The following SLC22A25 variants were observed in gnomAD, a reference collection of about 807,000 sequenced individuals.
SLC22A25 encodes MGI:2442751, MGI:2385316, MGI:3042283, MGI:3645714, MGI:3605624, MGI:2442750.
SLC22A25 carries 44 observed loss-of-function variants against 45.9 expected under a neutral mutation model. That is an observed-to-expected ratio of 0.96 (90% CI 0.75 to 1.23). The LOEUF (loss-of-function observed/expected upper bound fraction) is 1.23, where lower values mean the gene tolerates loss of function less well. Among genes scored for constraint, SLC22A25 ranks in the 50% most tolerant of loss-of-function variants. SLC22A25 has a pLI of 0.00. For missense variants in SLC22A25, 800 were observed against 666.4 expected (o/e 1.20, Z -2.21); for synonymous variants, 283 against 238.6 (o/e 1.19, Z -1.72).
rs2087531470 is a variant in SLC22A25, at chr11:63,161,361, G to T, written c.*2463C>A. ...TGAGTTAAAACTTTGGGGGACTGTT[G>T]GGAAGGCATGATTAGTTTTGAAATG... is the stretch of plus-strand genomic sequence containing the variant. On this transcript the variant is annotated 3_prime_UTR_variant, in exon 12 of 12. Coordinates refer to ENST00000306494, the MANE Select transcript of SLC22A25 (RefSeq NM_199352.6). Among the ~76,000 whole-genome samples the T allele has an allele frequency of 6.6e-6, 1 of 152,126 alleles. No individual in the cohort carries two copies. The highest frequency in any genetic ancestry group is 2.4e-5 in the African/African-American group (1 of 41,426).
At chr11:63,186,741 C>T (rs2088566689) in intron 7 of SLC22A25, among the ~76,000 whole-genome samples, 2 of 152,144 alleles carry the variant, frequency 1.3e-5, no homozygotes, top group Admixed American at 1.3e-4. Context: ...AGGAAGGGAT[C>T]CAGTTTCAGC....
At chr11:63,233,799 T>G (rs2090114713) in intron 3 of SLC22A25, among the ~76,000 whole-genome samples, 2 of 152,238 alleles carry the variant, frequency 1.3e-5, no homozygotes, top group South Asian at 4.1e-4. Context: ...CTCTACACAC[T>G]GCTTTGAATG....
Position 63,163,812 on chromosome 11 carries a change from C to T in SLC22A25, c.*12G>A. 3.7e-6 allele frequency: 6 copies of T among 1,603,574 alleles called. No homozygotes were observed. The South Asian group carries it at 6.7e-5, about 18-fold the overall frequency. On this transcript the variant is annotated 3_prime_UTR_variant, in exon 12 of 12. Transcript: ENST00000306494. Reference sequence around the variant, plus strand: ...TAGCCCTAAATGGTGTTTTGCTTTCCTCAGCACAGACCTATAGCACAGAGC... The same window carrying T: ...TAGCCCTAAATGGTGTTTTGCTTTCTTCAGCACAGACCTATAGCACAGAGC...
rs191436570 is a variant in SLC22A25 at position 63,160,015 on chromosome 11, C to T, written c.*3809G>A. 1.4e-3 allele frequency among the ~76,000 whole-genome samples: 207 copies of T among 152,204 alleles called. 1 individual carries two copies. Among genetic ancestry groups the T allele is most frequent in the South Asian group, 3.7e-3 (18 of 4,814 alleles). The stretch of plus-strand genomic sequence containing the variant: ...AAGCAGCAAAGCATTCAAGATGTGA[C>T]GGGTGCTGTTAAAAGCAGTCAGTTT... On this transcript the variant is annotated 3_prime_UTR_variant, in exon 12 of 12. Transcript: ENST00000306494.
At chr11:63,191,502 G>A (rs984095468) in intron 7 of SLC22A25, among the ~76,000 whole-genome samples, 5 of 152,150 alleles carry the variant, frequency 3.3e-5, no homozygotes, top group Non-Finnish European at 7.3e-5. Flanking sequence ...CCTGGGTGAG[G>A]CAATGCCTCA....
At chr11:63,164,117 TA>T (rs774227125) in intron 11 of SLC22A25, 44 bp from the exon 12 acceptor site, 1 of 1,528,152 alleles carries the variant, frequency 6.5e-7, no homozygotes, top group Non-Finnish European at 8.8e-7. Context: ...TTAAAAATCA[TA>T]CATATAATTT....
chr11:63,173,629 T>C (rs4963252), intron 9 of SLC22A25, among the ~76,000 whole-genome samples: 74,497 of 151,946 alleles, frequency 0.49, 19,191 homozygotes, highest in Non-Finnish European at 0.57. Flanking sequence ...TTTGTGACTT[T>C]CCCAGTGCTT....
At chr11:63,216,566 C>T (rs1041537781) in intron 7 of SLC22A25, among the ~76,000 whole-genome samples, 2 of 152,130 alleles carry the variant, frequency 1.3e-5, no homozygotes, top group Non-Finnish European at 2.9e-5. Context: ...AGATTGTGTC[C>T]TTTGCAGGGA....
chr11:63,198,943 A>G (rs1043167647), intron 7 of SLC22A25, among the ~76,000 whole-genome samples: 1 of 152,122 alleles, frequency 6.6e-6, no homozygotes, highest in Admixed American at 6.6e-5. Flanking sequence ...AAATGCTCAC[A>G]TCAAAAAGTT....
At position 63,163,025 on chromosome 11, in the gene SLC22A25, A is replaced by G. The variant is rs577374797; in HGVS notation, c.*799T>C. Among the ~76,000 whole-genome samples the G allele has an allele frequency of 7.2e-5, 11 of 152,316 alleles. No individual in the cohort carries two copies. In the East Asian group the frequency reaches 1.9e-3, roughly 27 times the overall value. ...AGCTCAAAAATGAAAGACATGGACT[A>G]AACATATAAGTCCTGCATTCTTTAG... On this transcript the variant is annotated 3_prime_UTR_variant, in exon 12 of 12. Transcript: ENST00000306494.
At chr11:63,211,584 T>G (rs2089563350) in intron 7 of SLC22A25, among the ~76,000 whole-genome samples, 1 of 152,156 alleles carries the variant, frequency 6.6e-6, no homozygotes, top group Admixed American at 6.5e-5. Context: ...TCTCCTACCA[T>G]TTTTGGTGCT....
At chr11:63,164,471 A>G (rs1200700737) in intron 11 of SLC22A25, 55 bp downstream of exon 11, 7 of 1,453,630 alleles carry the variant, frequency 4.8e-6, no homozygotes, top group East Asian at 4.6e-5. Context: ...TTAAGTGTCA[A>G]TTGGTTGAGA....
rs749975523 is a variant in SLC22A25 at position 63,180,784 on chromosome 11, A to G, written c.955-9T>C. On this transcript the variant is annotated splice_polypyrimidine_tract_variant and intron_variant, in intron 8 of 11. Transcript: ENST00000306494. Reference sequence around the variant, plus strand: ...ATGGTGGATTTCAAAACCTTCAACAACAACAGAAGCAATAAACTGTTCAGT... The same window carrying G: ...ATGGTGGATTTCAAAACCTTCAACAGCAACAGAAGCAATAAACTGTTCAGT... The G allele has an allele frequency of 1.9e-6, 3 of 1,601,280 alleles. No homozygotes were observed. Among genetic ancestry groups the G allele is most frequent in the Non-Finnish European group, 1.7e-6 (2 of 1,169,966 alleles).
At position 63,163,574 on chromosome 11, in the gene SLC22A25, C is replaced by T. The variant is rs1289765708; in HGVS notation, c.*250G>A. ...TTTGTAGAATACCTTCAAGAGTATG[C>T]ATGTCATACCAGGGCAGGAAGGGCA... is the stretch of plus-strand genomic sequence containing the variant. On this transcript the variant is annotated 3_prime_UTR_variant, in exon 12 of 12. Coordinates refer to ENST00000306494, the MANE Select transcript of SLC22A25 (RefSeq NM_199352.6). Among the ~76,000 whole-genome samples, 1 of 151,968 alleles carries T rather than the reference C, an allele frequency of 6.6e-6. No individual in the cohort carries two copies. The highest frequency in any genetic ancestry group is 1.5e-5 in the Non-Finnish European group (1 of 68,018).
rs368110356 is a variant in SLC22A25, at chr11:63,239,625, T to C, written c.-995-490A>G. Among the ~76,000 whole-genome samples, 8 of 152,244 alleles carry C rather than the reference T, an allele frequency of 5.3e-5. No individual in the cohort carries two copies. The East Asian group carries it at 1.5e-3, about 29-fold the overall frequency. ...GCTTAAAGAGTTAGTGTGAGCTAAT[T>C]AGAGCAATTTAAACATGGTACAGTC... On this transcript the variant is annotated intron_variant, in intron 1 of 11. Transcript: ENST00000306494.
rs1211327512 is a variant in SLC22A25 at position 63,158,923 on chromosome 11, C to G, written c.*4901G>C. Among the ~76,000 whole-genome samples the G allele has an allele frequency of 6.6e-6, 1 of 152,166 alleles. No homozygotes were observed. The highest frequency in any genetic ancestry group is 1.9e-4 in the East Asian group (1 of 5,190). On this transcript the variant is annotated 3_prime_UTR_variant, in exon 12 of 12. Transcript: ENST00000306494. The stretch of plus-strand genomic sequence containing the variant: ...AAGCACCCAATACCCTTCTCAGCCT[C>G]TGGTAATCATCCTTCTCTCTCTATG...
chr11:63,229,849 A>G lies in SLC22A25; in HGVS notation c.-197T>C, dbSNP rs537029101. Among the ~76,000 whole-genome samples, 1 of 152,316 alleles carries G rather than the reference A, an allele frequency of 6.6e-6. No individual in the cohort carries two copies. Among genetic ancestry groups the G allele is most frequent in the South Asian group, 2.1e-4 (1 of 4,826 alleles). ...TCCTCAAGTAGTTTTGGGGTCAGGT[A>G]GGTATCTGTTTTCTTTAGGGTCACA... On this transcript the variant is annotated 5_prime_UTR_variant, in exon 4 of 12. Coordinates refer to ENST00000306494, the MANE Select transcript of SLC22A25 (RefSeq NM_199352.6).
At chr11:63,213,781 G>C (rs1412002601) in intron 7 of SLC22A25, among the ~76,000 whole-genome samples, 1 of 152,168 alleles carries the variant, frequency 6.6e-6, no homozygotes, top group Non-Finnish European at 1.5e-5. Context: ...GTGTTCTCGA[G>C]CCGGGAAGAT....
chr11:63,192,885 G>A lies in SLC22A25; in HGVS notation c.831-9068C>T, dbSNP rs570415904. 5.9e-5 allele frequency among the ~76,000 whole-genome samples: 9 copies of A among 152,258 alleles called. No individual in the cohort carries two copies. The South Asian group carries it at 1.9e-3, about 32-fold the overall frequency. On this transcript the variant is annotated intron_variant, in intron 7 of 11. Transcript: ENST00000306494. Reference sequence around the variant, plus strand: ...AGAAAGATTCCCACACAATAAGAGTGGGAGATTTTAACACTCCACTGACAA... The same window carrying A: ...AGAAAGATTCCCACACAATAAGAGTAGGAGATTTTAACACTCCACTGACAA...
Sources: allele counts gnomAD v4.1 joint callset (sites outside exome capture counted in the v4.1 genomes callset), GRCh38; gene constraint gnomAD v4.1.1; transcripts MANE v1.5; gene names NCBI Gene and HGNC (gene_info 2026-07-23, HGNC 2026-07-21).